Variants in MTMR1 observed in about 807,000 individuals in gnomAD.
MTMR1 encodes the protein myotubularin related protein 1.
Under a neutral mutation model 51.6 loss-of-function variants are expected in MTMR1, and 17 were observed. That is an observed-to-expected ratio of 0.33 (90% CI 0.23 to 0.49). The LOEUF is 0.49. Ranked by LOEUF, MTMR1 falls within the 20% of genes least tolerant of loss-of-function variation. The probability of loss-of-function intolerance (pLI) is 0.99; values close to 1 mark genes in which losing one functional copy is unlikely to be tolerated. For synonymous variants in MTMR1, 201 were observed against 205.6 expected, an observed-to-expected ratio of 0.98 and a Z score of 0.19; for missense variants, 386 against 526.9, an observed-to-expected ratio of 0.73 and a Z score of 2.62.
chrX:150,698,048 T>C (rs1488651904), intron 1 of MTMR1, among the ~76,000 whole-genome samples: 1 of 111,996 alleles, frequency 8.9e-6, no homozygotes, highest in African/African-American at 3.3e-5. Context: ...CCCAGCACTT[T>C]GGGAGGCCAA....
intron 4 of MTMR1, among the ~76,000 whole-genome samples, chrX:150,725,478 CTA>C (rs1288407151): frequency 1.8e-5 from 2 of 111,708 alleles, no homozygotes; most frequent in Non-Finnish European, 3.8e-5. Flanking sequence ...TGGGTCGAGA[CTA>C]TGGGGTTTTT....
At chrX:150,760,906 G>A (rs1462180328) in intron 15 of MTMR1, among the ~76,000 whole-genome samples, 5 of 100,641 alleles carry the variant, frequency 5.0e-5, no homozygotes, top group Non-Finnish European at 8.1e-5. Context: ...CAGCCTGGGG[G>A]AGAGAGTGAG....
intron 3 of MTMR1, among the ~76,000 whole-genome samples, chrX:150,713,380 T>C (rs6627324): frequency 0.26 from 29,347 of 111,293 alleles, 3,101 homozygotes; most frequent in South Asian, 0.5. Flanking sequence ...CCTTGAAGTA[T>C]GCTAAACTAT....
intron 3 of MTMR1, 28 bp from the exon 4 acceptor site, chrX:150,718,581 GTCCTTTTTTTTTTTTT>G: frequency 5.2e-6 from 3 of 576,373 alleles, no homozygotes; most frequent in Admixed American, 8.6e-5. Context: ...CCCGTTTGGT[GTCCTTTTTTTTTTTTT>G]TTTTTTTTTT....
At chrX:150,741,121 A>G (rs1557417306) in intron 12 of MTMR1, among the ~76,000 whole-genome samples, 1 of 111,840 alleles carries the variant, frequency 8.9e-6, no homozygotes, top group African/African-American at 3.3e-5. Context: ...AGCCAGATGG[A>G]GCATTCCAAA....
intron 6 of MTMR1, 130 bp from the exon 7 acceptor site, chrX:150,729,979 G>A (rs782204831): frequency 2.1e-5 from 7 of 332,365 alleles, no homozygotes; most frequent in South Asian, 7.7e-5. Flanking sequence ...AGACTGTGCC[G>A]TTGGAGCAGG....
At chrX:150,760,666 G>A (rs1375543952) in intron 15 of MTMR1, among the ~76,000 whole-genome samples, 1 of 112,257 alleles carries the variant, frequency 8.9e-6, no homozygotes, top group Non-Finnish European at 1.9e-5. Context: ...GCTCACGCCT[G>A]TAATCCCAGC....
intron 15 of MTMR1, among the ~76,000 whole-genome samples, chrX:150,757,467 C>T (rs1435646712): frequency 8.9e-6 from 1 of 112,625 alleles, no homozygotes; most frequent in Admixed American, 9.3e-5. Flanking sequence ...CCCTGCCACC[C>T]TTACGACCTC....
chrX:150,706,416 G>A (rs1208230916), intron 2 of MTMR1, among the ~76,000 whole-genome samples: 1 of 111,987 alleles, frequency 8.9e-6, no homozygotes, highest in African/African-American at 3.2e-5. Context: ...GATGTTTGTG[G>A]TTTTTGTTGT....
At chrX:150,757,446 C>G (rs2042936600) in intron 15 of MTMR1, among the ~76,000 whole-genome samples, 1 of 112,713 alleles carries the variant, frequency 8.9e-6, no homozygotes, top group Non-Finnish European at 1.9e-5. Context: ...CCTCTGGACC[C>G]TCTGAGTTGG....
intron 14 of MTMR1, 189 bp downstream of exon 14, chrX:150,751,032 A>G: frequency 1.7e-6 from 2 of 1,160,744 alleles, no homozygotes; most frequent in Non-Finnish European, 2.3e-6. Flanking sequence ...CTTTCTAGGC[A>G]TGGGGGGCTG....
rs1205493668 is a variant in MTMR1, at chrX:150,764,289, T to A, written c.*1560T>A. 8.9e-6 allele frequency: 1 copy of A among 112,431 alleles called. No individual in the cohort carries two copies. The highest frequency in any genetic ancestry group is 1.9e-5 in the Non-Finnish European group (1 of 53,299). The allele number at this position is 112,431 out of a possible 1,213,427, so 9.3% of individuals were successfully genotyped here. ...GGAACCTCCTGATTCTTACGGAAAATTATCCTTCTATAAGAAGATACCAGA... is the reference window on the plus strand; with the variant it reads ...GGAACCTCCTGATTCTTACGGAAAAATATCCTTCTATAAGAAGATACCAGA... On this transcript the variant is annotated 3_prime_UTR_variant, in exon 16 of 16. Coordinates refer to ENST00000445323, the MANE Select transcript of MTMR1 (RefSeq NM_001306144.3).
At chrX:150,710,889 CTT>C (rs1955916028) in intron 2 of MTMR1, among the ~76,000 whole-genome samples, 1 of 111,887 alleles carries the variant, frequency 8.9e-6, no homozygotes, top group Admixed American at 9.5e-5. Context: ...TTAATAGACA[CTT>C]TAAAGTTGAC....
At chrX:150,745,315 G>A (rs2042546573) in intron 13 of MTMR1, among the ~76,000 whole-genome samples, 1 of 111,691 alleles carries the variant, frequency 9.0e-6, no homozygotes, top group Admixed American at 9.5e-5. Flanking sequence ...CAGGGTCTGA[G>A]CCTTCTCTTG....
intron 8 of MTMR1, 84 bp downstream of exon 8, chrX:150,730,692 A>G: frequency 1.7e-6 from 1 of 589,525 alleles, no homozygotes; most frequent in Non-Finnish European, 2.5e-6. Context: ...TGTGGTGGAG[A>G]AGAAACTTTT....
At chrX:150,706,657 G>T (rs1266152178) in intron 2 of MTMR1, among the ~76,000 whole-genome samples, 1 of 112,032 alleles carries the variant, frequency 8.9e-6, no homozygotes, top group Non-Finnish European at 1.9e-5. Flanking sequence ...CATGTATTTG[G>T]ATGATTCAAT....
Position 150,732,538 on chromosome X carries a change from C to A in MTMR1, c.892-4C>A. 1 of 1,200,807 alleles carries A rather than the reference C, an allele frequency of 8.3e-7. No individual in the cohort carries two copies. Among genetic ancestry groups the A allele is most frequent in the Admixed American group, 2.2e-5 (1 of 44,866 alleles). On this transcript the variant is annotated splice_polypyrimidine_tract_variant and splice_region_variant and intron_variant, in intron 9 of 15. Transcript: ENST00000445323. ...TACTAATATTTATTGCTTAAAAACA[C>A]TAGGTGTTGTCATGGATTCATCCGG... is the stretch of plus-strand genomic sequence containing the variant.
chrX:150,718,299 C>T (rs2041614665), intron 3 of MTMR1, among the ~76,000 whole-genome samples: 1 of 112,331 alleles, frequency 8.9e-6, no homozygotes, highest in Admixed American at 9.4e-5. Flanking sequence ...GCCTTATTTG[C>T]AAATTCTAGA....
At chrX:150,711,346 A>G (rs1362046246) in intron 2 of MTMR1, among the ~76,000 whole-genome samples, 2 of 112,322 alleles carry the variant, frequency 1.8e-5, no homozygotes, top group African/African-American at 3.2e-5. Flanking sequence ...AATCTGTATC[A>G]TGCGATCTTA....
Sources: allele counts gnomAD v4.1 joint callset (sites outside exome capture counted in the v4.1 genomes callset), GRCh38; gene constraint gnomAD v4.1.1; transcripts MANE v1.5; gene names NCBI Gene and HGNC (gene_info 2026-07-23, HGNC 2026-07-21).